FAM163A: variants seen among roughly 807,000 people sequenced by gnomAD.
The protein encoded by FAM163A is protein FAM163A.
Under a neutral mutation model 12.0 loss-of-function variants are expected in FAM163A, and 7 were observed. The observed-to-expected ratio is 0.58, with a 90% CI of 0.33 to 1.10. The LOEUF is 1.10. Ranked by LOEUF, FAM163A falls within the 50% of genes least tolerant of loss-of-function variation. The pLI is 0.03. For missense variants in FAM163A, 202 were observed against 218.6 expected, an observed-to-expected ratio of 0.92 and a Z score of 0.48; for synonymous variants, 101 against 91.0, an observed-to-expected ratio of 1.11 and a Z score of -0.62.
intron 1 of FAM163A, among the ~76,000 whole-genome samples, chr1:179,796,707 A>C (rs570148127): frequency 6.6e-6 from 1 of 152,196 alleles, no homozygotes; most frequent in Admixed American, 6.5e-5. Flanking sequence ...CTCCCAACTT[A>C]CCTTTTACCC....
chr1:179,803,589 A>G (rs904261438), intron 1 of FAM163A, among the ~76,000 whole-genome samples: 2 of 151,936 alleles, frequency 1.3e-5, no homozygotes, highest in Admixed American at 1.3e-4. Flanking sequence ...TTATTTTAAG[A>G]CAGAGTTTTG....
chr1:179,770,568 TCCCTGTGCC>T (rs1315210314), intron 1 of FAM163A, among the ~76,000 whole-genome samples: 1 of 152,166 alleles, frequency 6.6e-6, no homozygotes, highest in African/African-American at 2.4e-5. Context: ...GCCTTCTCTA[TCCCTGTGCC>T]CCAGCCACCC....
rs139327814 is a variant in FAM163A at position 179,771,587 on chromosome 1, G to A, written c.-136+28164G>A. 6.9e-3 allele frequency among the ~76,000 whole-genome samples: 1,047 copies of A among 151,510 alleles called. 11 individuals are homozygous for A. The highest frequency in any genetic ancestry group is 0.024 in the African/African-American group (1,001 of 41,246). ...CCCTCATCCTGGGCTCTTTGCTTCC[G>A]TCTACACCTGTGCTTGGATATCTGT... On this transcript the variant is annotated intron_variant, in intron 1 of 4. Transcript: ENST00000341785.
intron 1 of FAM163A, among the ~76,000 whole-genome samples, chr1:179,792,879 A>AATAT (rs59009302): frequency 2.1e-4 from 32 of 149,006 alleles, no homozygotes; most frequent in African/African-American, 6.7e-4. Context: ...CAGATAATAA[A>AATAT]ATATATATAT....
At chr1:179,736,826 G>GA in the FAM163A span, among the ~76,000 whole-genome samples, 456 of 150,750 alleles carry the variant, frequency 3.0e-3, 3 homozygotes, top group African/African-American at 0.01. Flanking sequence ...AAAGAAAAAA[G>GA]AAAAAAAAAG....
intron 1 of FAM163A, among the ~76,000 whole-genome samples, chr1:179,778,800 G>T (rs2148162579): frequency 6.6e-6 from 1 of 152,328 alleles, no homozygotes. Flanking sequence ...AAGGAAATAG[G>T]TGCCAAGGGG....
chr1:179,750,750 G>A (rs1277220603), intron 1 of FAM163A, among the ~76,000 whole-genome samples: 2 of 152,176 alleles, frequency 1.3e-5, no homozygotes, highest in East Asian at 1.9e-4. Flanking sequence ...AGGTCACTTT[G>A]GCTGTATAAT....
chr1:179,794,681 T>C (rs1198869949), intron 1 of FAM163A, among the ~76,000 whole-genome samples: 3 of 152,242 alleles, frequency 2.0e-5, no homozygotes, highest in East Asian at 3.8e-4. Flanking sequence ...GTATGCACTA[T>C]GTTTGGAGTC....
chr1:179,787,352 G>T (rs1420713739), intron 1 of FAM163A, among the ~76,000 whole-genome samples: 1 of 152,160 alleles, frequency 6.6e-6, no homozygotes, highest in Non-Finnish European at 1.5e-5. Context: ...AGCATGCAAT[G>T]TGTTCATTCA....
At chr1:179,796,589 G>A (rs771878271) in intron 1 of FAM163A, among the ~76,000 whole-genome samples, 2 of 152,044 alleles carry the variant, frequency 1.3e-5, no homozygotes. Flanking sequence ...CTTCTCACAC[G>A]CCTGTCATGC....
At chr1:179,805,590 T>C (rs1452872082) in intron 1 of FAM163A, among the ~76,000 whole-genome samples, 3 of 150,922 alleles carry the variant, frequency 2.0e-5, no homozygotes, top group African/African-American at 7.3e-5. Flanking sequence ...AATGAAACGC[T>C]CTTACTCTGA....
intron 1 of FAM163A, among the ~76,000 whole-genome samples, chr1:179,770,019 C>T (rs1688061318): frequency 6.6e-6 from 1 of 150,686 alleles, no homozygotes; most frequent in South Asian, 2.1e-4. Flanking sequence ...CGTTCTCCTG[C>T]CTCATCCTCC....
At chr1:179,760,817 C>G (rs1351097966) in intron 1 of FAM163A, among the ~76,000 whole-genome samples, 1 of 152,202 alleles carries the variant, frequency 6.6e-6, no homozygotes, top group Admixed American at 6.5e-5. Context: ...TAAGACCTCT[C>G]AAGGTTCATC....
chr1:179,773,356 C>T (rs531196944), intron 1 of FAM163A, among the ~76,000 whole-genome samples: 18 of 152,148 alleles, frequency 1.2e-4, no homozygotes, highest in East Asian at 9.7e-4. Flanking sequence ...CACAGATAAG[C>T]GTGCACACAT....
At chr1:179,766,623 T>G (rs1687536135) in intron 1 of FAM163A, among the ~76,000 whole-genome samples, 1 of 152,240 alleles carries the variant, frequency 6.6e-6, no homozygotes, top group Non-Finnish European at 1.5e-5. Context: ...TTCGAGTTGA[T>G]TTTTCAGTGA....
chr1:179,815,080 T>C lies in FAM163A; in HGVS notation c.*891T>C. ...AGTCCTGTGAGGGTGTGCATAACCG[T>C]TCCCAGGTGTACGCACGCGCGCGCG... On this transcript the variant is annotated 3_prime_UTR_variant, in exon 5 of 5. Coordinates refer to ENST00000341785, the MANE Select transcript of FAM163A (RefSeq NM_173509.3). 1 of 152,050 alleles carries C rather than the reference T, an allele frequency of 6.6e-6. No individual in the cohort carries two copies. The highest frequency in any genetic ancestry group is 1.4e-5 in the Non-Finnish European group (1 of 69,802). 9.4% of individuals were successfully genotyped at this position (152,050 alleles called of 1,614,324 possible).
intron 1 of FAM163A, among the ~76,000 whole-genome samples, chr1:179,785,242 T>A (rs1160864982): frequency 1.3e-5 from 2 of 152,170 alleles, no homozygotes; most frequent in African/African-American, 4.8e-5. Flanking sequence ...CCACTGCTTG[T>A]TTCCAGAAAA....
At chr1:179,798,094 G>A (rs1692619036) in intron 1 of FAM163A, among the ~76,000 whole-genome samples, 1 of 152,094 alleles carries the variant, frequency 6.6e-6, no homozygotes, top group Admixed American at 6.5e-5. Context: ...GCCAGGCATG[G>A]TGGCAGGTAC....
At chr1:179,795,962 T>G (rs1692244735) in intron 1 of FAM163A, among the ~76,000 whole-genome samples, 1 of 150,534 alleles carries the variant, frequency 6.6e-6, no homozygotes, top group East Asian at 1.9e-4. Context: ...CTTTCTCTAT[T>G]ATTATTATTA....
Sources: allele counts gnomAD v4.1 joint callset (sites outside exome capture counted in the v4.1 genomes callset), GRCh38; gene constraint gnomAD v4.1.1; transcripts MANE v1.5; gene names NCBI Gene and HGNC (gene_info 2026-07-23, HGNC 2026-07-21).